SPIRE2: variants seen among roughly 807,000 people sequenced by gnomAD.
The protein encoded by SPIRE2 is spire type actin nucleation factor 2, also known as protein spire homolog 2.
Under a neutral mutation model 80.7 loss-of-function variants are expected in SPIRE2, and 76 were observed. The observed-to-expected ratio is 0.94, with a 90% CI of 0.78 to 1.14. SPIRE2 has a LOEUF of 1.14. Among genes scored for constraint, SPIRE2 ranks in the 50% most tolerant of loss-of-function variants. The pLI is 0.00. For missense variants in SPIRE2, 1,196 were observed against 1,015.3 expected (o/e 1.18, Z -2.42); for synonymous variants, 535 against 432.6 (o/e 1.24, Z -2.94).
At chr16:89,848,100 C>T (rs10775347) in intron 2 of SPIRE2, among the ~76,000 whole-genome samples, 83,866 of 152,168 alleles carry the variant, frequency 0.55, 25,089 homozygotes, top group East Asian at 0.99. Flanking sequence ...CTGTCCTTCC[C>T]TGCCCTTCCC....
chr16:89,838,164 A>ATTTTTTTTTT (rs34507409), intron 1 of SPIRE2, among the ~76,000 whole-genome samples: 37 of 87,516 alleles, frequency 4.2e-4, no homozygotes, highest in Non-Finnish European at 6.0e-4. Context: ...CACGCTCAGC[A>ATTTTTTTTTT]TTTTTTTTTT....
chr16:89,859,156 T>A lies in SPIRE2; in HGVS notation c.1273-9T>A. On this transcript the variant is annotated splice_polypyrimidine_tract_variant and intron_variant, in intron 8 of 14. Transcript: ENST00000378247. ...TGTCAGGGCAGGGCCGCGTCTGGTG[T>A]GTCCACAGGAAGAAGAGTCTCCGTG... 2 of 1,552,888 alleles carry A rather than the reference T, an allele frequency of 1.3e-6. No individual in the cohort carries two copies. Among genetic ancestry groups the A allele is most frequent in the Non-Finnish European group, 1.7e-6 (2 of 1,143,666 alleles).
intron 1 of SPIRE2, among the ~76,000 whole-genome samples, chr16:89,839,047 A>C (rs1359908010): frequency 6.7e-6 from 1 of 149,422 alleles, no homozygotes; most frequent in Non-Finnish European, 1.5e-5. Flanking sequence ...CGAGTGTTAA[A>C]CTGTTAGGAG....
rs571605762 is a variant in SPIRE2, at chr16:89,870,073, A to T, written c.1946A>T (p.Gln649Leu). The T allele has an allele frequency of 1.9e-6, 3 of 1,613,066 alleles. No homozygotes were observed. The highest frequency in any genetic ancestry group is 1.7e-6 in the Non-Finnish European group (2 of 1,179,904). The change falls in exon 15 of 15, where the codon CAG (glutamine) becomes CTG (leucine). Residue 649 changes from glutamine (Q) to leucine (L), a missense_variant. Transcript: ENST00000378247. ...AGGTCTCTGCAAGGGCCACAGTGGCAGAGCGTGGAGGAGGCGTTCCCCCAC... is the reference window on the plus strand; with the variant it reads ...AGGTCTCTGCAAGGGCCACAGTGGCTGAGCGTGGAGGAGGCGTTCCCCCAC... Reference protein sequence around the residue: ...IFQSLQGPQWQSVEEAFPHIY... With the variant: ...IFQSLQGPQWLSVEEAFPHIY...
intron 9 of SPIRE2, among the ~76,000 whole-genome samples, chr16:89,859,721 C>T (rs1376081539): frequency 6.6e-6 from 1 of 152,162 alleles, no homozygotes; most frequent in Non-Finnish European, 1.5e-5. Flanking sequence ...GGGCTCGCAG[C>T]ACATGGCTCT....
At chr16:89,864,075 T>G (rs906252885) in intron 12 of SPIRE2, among the ~76,000 whole-genome samples, 1 of 152,200 alleles carries the variant, frequency 6.6e-6, no homozygotes, top group Non-Finnish European at 1.5e-5. Flanking sequence ...ACTCCCAGTT[T>G]CAGCCAAGAT....
At chr16:89,829,363 G>GAA (rs2041357753) in intron 1 of SPIRE2, among the ~76,000 whole-genome samples, 2 of 152,208 alleles carry the variant, frequency 1.3e-5, no homozygotes, top group Non-Finnish European at 2.9e-5. Context: ...CAACAATTAA[G>GAA]CCCTAGAAAG....
intron 1 of SPIRE2, among the ~76,000 whole-genome samples, chr16:89,840,761 G>A (rs945401947): frequency 4.0e-5 from 6 of 148,162 alleles, no homozygotes; most frequent in African/African-American, 7.5e-5. Flanking sequence ...TCAGCCTCCC[G>A]AGTAGCTGGG....
intron 13 of SPIRE2, among the ~76,000 whole-genome samples, chr16:89,868,505 C>A (rs970935794): frequency 6.6e-6 from 1 of 152,160 alleles, no homozygotes; most frequent in African/African-American, 2.4e-5. Flanking sequence ...TTAGGAGGGG[C>A]TTCTTATTGC....
At position 89,870,036 on chromosome 16, in the gene SPIRE2, C is replaced by T. The variant is rs1188039264; in HGVS notation, c.1923-14C>T. Reference sequence around the variant, plus strand: ...GCTGGCTCCTCTCCCTGAGTGCCCTCTCCCACTTCCCAGGTCTCTGCAAGG... The same window carrying T: ...GCTGGCTCCTCTCCCTGAGTGCCCTTTCCCACTTCCCAGGTCTCTGCAAGG... On this transcript the variant is annotated splice_polypyrimidine_tract_variant and intron_variant, in intron 14 of 14. Transcript: ENST00000378247. 58 of 1,608,226 alleles carry T rather than the reference C, an allele frequency of 3.6e-5. No homozygotes were observed. Among genetic ancestry groups the T allele is most frequent in the Non-Finnish European group, 4.8e-5 (56 of 1,177,744 alleles).
rs1185457949 is a variant in SPIRE2 at position 89,853,547 on chromosome 16, C to T, written c.646-739C>T. 2.0e-5 allele frequency among the ~76,000 whole-genome samples: 3 copies of T among 152,278 alleles called. No individual in the cohort carries two copies. The East Asian group carries it at 5.8e-4, about 29-fold the overall frequency. ...CATACATGAGGCCTGTGGGCAGACA[C>T]ACACCTCACGCTGCCCAGGGAGTGT... On this transcript the variant is annotated intron_variant, in intron 3 of 14. Coordinates refer to ENST00000378247, the MANE Select transcript of SPIRE2 (RefSeq NM_032451.2).
At position 89,869,694 on chromosome 16, in the gene SPIRE2, G is replaced by A. The variant is rs374436742; in HGVS notation, c.1922+12G>A. 281 of 1,594,904 alleles carry A rather than the reference G, an allele frequency of 1.8e-4. No individual in the cohort carries two copies. Among genetic ancestry groups the A allele is most frequent in the Non-Finnish European group, 2.2e-4 (254 of 1,162,880 alleles). Reference sequence around the variant, plus strand: ...AGAGACATCTTTCAGTGCGTTCTTCGCCTTGCTGCTGATGTCACTGTGGTG... The same window carrying A: ...AGAGACATCTTTCAGTGCGTTCTTCACCTTGCTGCTGATGTCACTGTGGTG... On this transcript the variant is annotated intron_variant, in intron 14 of 14. Coordinates refer to ENST00000378247, the MANE Select transcript of SPIRE2 (RefSeq NM_032451.2).
rs767204452 is a variant in SPIRE2 at position 89,863,823 on chromosome 16, G to A, written c.1740G>A (p.Pro580=). ...GCTGCTGCTGCCGGGCCAAGTTCCC[G>A]CTGTTCTCGTGGCCGCCCAGCTGTC... ...KICCCCRAKF[P]LFSWPPSCLF... The change falls in exon 12 of 15, where the codon CCG becomes CCA. Residue 580 remains proline, a synonymous_variant. Coordinates refer to ENST00000378247, the MANE Select transcript of SPIRE2 (RefSeq NM_032451.2). The surrounding 1 kb of genome is among the most constrained non-coding windows in gnomAD (Gnocchi z 4.3). 5.6e-6 allele frequency: 9 copies of A among 1,613,926 alleles called. No individual in the cohort carries two copies. Among genetic ancestry groups the A allele is most frequent in the East Asian group, 4.5e-5 (2 of 44,894 alleles).
chr16:89,848,920 T>G (rs960609062), intron 2 of SPIRE2, among the ~76,000 whole-genome samples: 1 of 138,034 alleles, frequency 7.2e-6, no homozygotes, highest in Non-Finnish European at 1.7e-5. Context: ...CAGGGCCTTC[T>G]GCAGTGTTTC....
At chr16:89,869,912 C>T in intron 14 of SPIRE2, 138 bp from the exon 15 acceptor site, 2 of 760,024 alleles carry the variant, frequency 2.6e-6, no homozygotes, top group South Asian at 1.7e-5. Context: ...ACACTGCTAG[C>T]TGTGTTTGTT....
rs1189393161 is a variant in SPIRE2, at chr16:89,856,100, T to A, written c.979-13T>A. On this transcript the variant is annotated splice_polypyrimidine_tract_variant and intron_variant, in intron 6 of 14. Transcript: ENST00000378247. ...CCTGCTTCCCCACCGCAGGTCTCGC[T>A]TCCCCACCGCAGGTCTCTGAGAGGC... 6.2e-7 allele frequency: 1 copy of A among 1,610,150 alleles called. No individual in the cohort carries two copies. Among genetic ancestry groups the A allele is most frequent in the Admixed American group, 1.7e-5 (1 of 59,858 alleles).
At chr16:89,838,118 G>A (rs984107763) in intron 1 of SPIRE2, among the ~76,000 whole-genome samples, 3 of 148,992 alleles carry the variant, frequency 2.0e-5, no homozygotes, top group Admixed American at 6.7e-5. Context: ...TCCCACCTCA[G>A]CCTCCAGAGT....
rs550702415 is a variant in SPIRE2 at position 89,869,240 on chromosome 16, T to C, written c.1807-327T>C. On this transcript the variant is annotated intron_variant, in intron 13 of 14. Transcript: ENST00000378247. ...GTGCAGGGTAAGGTGGCAGGTCCCG[T>C]ATAGTATAAAAAGGGAAAGTTCTTG... 1.1e-4 allele frequency among the ~76,000 whole-genome samples: 17 copies of C among 150,584 alleles called. No individual in the cohort carries two copies. In the East Asian group the frequency reaches 2.4e-3, roughly 21 times the overall value.
intron 10 of SPIRE2, chr16:89,861,948 T>A (rs1288705118): frequency 6.6e-6 from 1 of 151,870 alleles, no homozygotes; most frequent in Non-Finnish European, 1.5e-5. Context: ...TCACTAGGAA[T>A]GAGTCACTAA....
Sources: allele counts gnomAD v4.1 joint callset (sites outside exome capture counted in the v4.1 genomes callset), GRCh38; gene constraint gnomAD v4.1.1; non-coding constraint Gnocchi (gnomAD v3.1); transcripts MANE v1.5; gene names NCBI Gene and HGNC (gene_info 2026-07-23, HGNC 2026-07-21).